MACROD2: variants seen among roughly 807,000 people sequenced by gnomAD.
MACROD2 encodes the protein ADP-ribose glycohydrolase MACROD2.
In MACROD2, 36 loss-of-function variants were observed where a neutral mutation model predicts 70.4. That is an observed-to-expected ratio of 0.51 (90% confidence interval 0.39 to 0.68). The LOEUF (loss-of-function observed/expected upper bound fraction) is 0.68. Ranked by LOEUF, MACROD2 falls within the 30% of genes least tolerant of loss-of-function variation. MACROD2 has a pLI of 0.00. For missense variants in MACROD2, 496 were observed against 538.4 expected, an observed-to-expected ratio of 0.92 and a Z score of 0.78; for synonymous variants, 172 against 178.8, an observed-to-expected ratio of 0.96 and a Z score of 0.30.
intron 5 of MACROD2, among the ~76,000 whole-genome samples, chr20:14,760,447 A>T (rs1342983190): frequency 2.6e-5 from 4 of 152,078 alleles, no homozygotes; most frequent in African/African-American, 9.7e-5. Flanking sequence ...TTTAGTTCTT[A>T]TTATTTTCTG....
intron 8 of MACROD2, among the ~76,000 whole-genome samples, chr20:15,522,788 G>A (rs1274072083): frequency 1.3e-5 from 2 of 152,200 alleles, no homozygotes; most frequent in Non-Finnish European, 2.9e-5. Context: ...ACTGCTGGGT[G>A]ACTGGAGACA....
chr20:15,759,039 T>C (rs1910619147), intron 8 of MACROD2, among the ~76,000 whole-genome samples: 1 of 148,986 alleles, frequency 6.7e-6, no homozygotes, highest in African/African-American at 2.5e-5. Context: ...TCCCAGCTAC[T>C]CAGGAGACTG....
chr20:14,941,041 G>C (rs952783727), intron 5 of MACROD2, among the ~76,000 whole-genome samples: 1 of 152,050 alleles, frequency 6.6e-6, no homozygotes, highest in Non-Finnish European at 1.5e-5. Context: ...TTTGATAGGA[G>C]ATTTTTATTA....
chr20:14,229,694 C>T (rs923540003), intron 3 of MACROD2, among the ~76,000 whole-genome samples: 1 of 152,204 alleles, frequency 6.6e-6, no homozygotes, highest in Non-Finnish European at 1.5e-5. Flanking sequence ...TGATCCAGCA[C>T]ACATGCTTCT....
intron 5 of MACROD2, among the ~76,000 whole-genome samples, chr20:14,848,068 A>G (rs1184149866): frequency 1.3e-5 from 2 of 152,228 alleles, no homozygotes; most frequent in Non-Finnish European, 2.9e-5. Flanking sequence ...TCTTCTCACT[A>G]CAGATGAAAT....
intron 5 of MACROD2, among the ~76,000 whole-genome samples, chr20:14,717,890 TA>T (rs2071414847): frequency 6.6e-6 from 1 of 152,030 alleles, no homozygotes; most frequent in East Asian, 1.9e-4. Context: ...GGCAGATAGA[TA>T]AAGTAGGAAG....
intron 2 of MACROD2, among the ~76,000 whole-genome samples, chr20:14,057,352 A>G (rs1030699785): frequency 6.6e-6 from 1 of 152,246 alleles, no homozygotes; most frequent in Non-Finnish European, 1.5e-5. Flanking sequence ...AACAGCAGAT[A>G]CTTGTAATAT....
At chr20:14,206,777 A>G (rs2081527625) in intron 3 of MACROD2, among the ~76,000 whole-genome samples, 1 of 151,974 alleles carries the variant, frequency 6.6e-6, no homozygotes, top group African/African-American at 2.4e-5. Context: ...TTCTTAATAG[A>G]CTAGCAATAA....
chr20:14,086,233 C>A, intron 3 of MACROD2: 1 of 368,864 alleles, frequency 2.7e-6, no homozygotes, highest in East Asian at 7.5e-5. Flanking sequence ...TAATTTTAAC[C>A]AGCATATTTT....
chr20:15,174,456 A>G (rs1385962867), intron 5 of MACROD2, among the ~76,000 whole-genome samples: 7 of 152,216 alleles, frequency 4.6e-5, no homozygotes, highest in Non-Finnish European at 7.3e-5. Flanking sequence ...TAGTGCCGCA[A>G]TAAACATATG....
chr20:14,384,190 G>GTATGA (rs2083449210), intron 3 of MACROD2, among the ~76,000 whole-genome samples: 2 of 152,058 alleles, frequency 1.3e-5, no homozygotes, highest in African/African-American at 2.4e-5. Flanking sequence ...GATACTTGTA[G>GTATGA]GATTCAAATT....
rs149223249 is a variant in MACROD2, at chr20:14,022,967, G to T, written c.163+20563G>T. Among the ~76,000 whole-genome samples the T allele has an allele frequency of 5.0e-4, 76 of 152,250 alleles. 1 individual carries two copies. The East Asian group carries it at 0.014, about 29-fold the overall frequency. ...TATATACCCAGTAATGGGATTGCTG[G>T]GCCAAATGATATTTCTGGTTCTAGA... On this transcript the variant is annotated intron_variant, in intron 2 of 17. Coordinates refer to ENST00000684519, the MANE Select transcript of MACROD2 (RefSeq NM_001351661.2).
chr20:14,575,108 G>A (rs1056203176), intron 4 of MACROD2, among the ~76,000 whole-genome samples: 2 of 150,464 alleles, frequency 1.3e-5, no homozygotes, highest in African/African-American at 4.9e-5. Context: ...ACTGCAAAGA[G>A]TTTTGTTTAT....
chr20:15,401,515 G>T (rs1217039554), intron 6 of MACROD2, among the ~76,000 whole-genome samples: 1 of 152,182 alleles, frequency 6.6e-6, no homozygotes, highest in Non-Finnish European at 1.5e-5. Context: ...GAGCCAAAAA[G>T]CCTGGGTGCA....
intron 7 of MACROD2, among the ~76,000 whole-genome samples, chr20:15,494,764 CGCGTGTGTGTGT>C (rs201654882): frequency 0.14 from 11,773 of 85,712 alleles, 680 homozygotes; most frequent in South Asian, 0.35. Context: ...TGTGTGTGTG[CGCGTGTGTGTGT>C]GCGCGCGTGT....
rs565389913 is a variant in MACROD2 at position 14,226,775 on chromosome 20, T to C, written c.271+141047T>C. ...AGGGCTCGGGACCTGCAGCCCGCCATGCCTGAGCCTCCCACCCACTCCGTG... is the reference window on the plus strand; with the variant it reads ...AGGGCTCGGGACCTGCAGCCCGCCACGCCTGAGCCTCCCACCCACTCCGTG... On this transcript the variant is annotated intron_variant, in intron 3 of 17. Coordinates refer to ENST00000684519, the MANE Select transcript of MACROD2 (RefSeq NM_001351661.2). Among the ~76,000 whole-genome samples, 4 of 152,348 alleles carry C rather than the reference T, an allele frequency of 2.6e-5. No individual in the cohort carries two copies. In the East Asian group the frequency reaches 7.7e-4, roughly 30 times the overall value.
chr20:15,214,587 A>T (rs1179315324), intron 5 of MACROD2, among the ~76,000 whole-genome samples: 1 of 152,180 alleles, frequency 6.6e-6, no homozygotes, highest in Non-Finnish European at 1.5e-5. Flanking sequence ...GCAAGAAATA[A>T]CAAAACATAT....
intron 3 of MACROD2, among the ~76,000 whole-genome samples, chr20:14,114,912 A>T (rs2054496431): frequency 6.6e-6 from 1 of 152,182 alleles, no homozygotes; most frequent in African/African-American, 2.4e-5. Flanking sequence ...GTGTTGGATC[A>T]TCCTGGCATC....
At chr20:15,957,337 C>A (rs2065991702) in intron 12 of MACROD2, among the ~76,000 whole-genome samples, 1 of 152,114 alleles carries the variant, frequency 6.6e-6, no homozygotes, top group Admixed American at 6.5e-5. Flanking sequence ...ATTATGAATG[C>A]AACTTTTGGG....
Sources: allele counts gnomAD v4.1 joint callset (sites outside exome capture counted in the v4.1 genomes callset), GRCh38; gene constraint gnomAD v4.1.1; transcripts MANE v1.5; gene names NCBI Gene and HGNC (gene_info 2026-07-23, HGNC 2026-07-21).